Variants in AGAP1 observed in about 807,000 individuals in gnomAD.
AGAP1 encodes arf-GAP with GTPase, ANK repeat and PH domain-containing protein 1.
In AGAP1, 29 loss-of-function variants were observed where a neutral mutation model predicts 105.3. The observed-to-expected ratio is 0.28, with a 90% CI of 0.21 to 0.38. The LOEUF is 0.38. Ranked by LOEUF, AGAP1 falls within the 10% of genes least tolerant of loss-of-function variation. The pLI is 1.00. For missense variants in AGAP1, 998 were observed against 1,165.1 expected (o/e 0.86, Z 2.09); for synonymous variants, 509 against 485.9 (o/e 1.05, Z -0.63).
chr2:235,974,093 A>G (rs1431129955), intron 13 of AGAP1, among the ~76,000 whole-genome samples: 1 of 152,200 alleles, frequency 6.6e-6, no homozygotes, highest in African/African-American at 2.4e-5. Flanking sequence ...TATAACATTC[A>G]TGCAAGTTTG....
intron 1 of AGAP1, among the ~76,000 whole-genome samples, chr2:235,496,806 A>C (rs888619948): frequency 6.6e-6 from 1 of 151,318 alleles, no homozygotes; most frequent in South Asian, 2.1e-4. Flanking sequence ...TTTTTTTGAC[A>C]GCACGATGCC....
At chr2:235,519,085 A>G (rs375023219) in intron 1 of AGAP1, among the ~76,000 whole-genome samples, 2 of 152,270 alleles carry the variant, frequency 1.3e-5, no homozygotes, top group East Asian at 3.9e-4. Flanking sequence ...GTATGTGTTT[A>G]TTTATGAGAC....
rs59126473 is a variant in AGAP1 at position 236,094,923 on chromosome 2, C to CAAAAA, written c.2115-25247_2115-25243dup. 7.2e-3 allele frequency among the ~76,000 whole-genome samples: 272 copies of CAAAAA among 37,776 alleles called. 6 individuals are homozygous for CAAAAA. The highest frequency in any genetic ancestry group is 0.026 in the Middle Eastern group (1 of 38). The allele number at this position is 37,776 out of a possible 152,430, so 24.8% of individuals were successfully genotyped here. ...ATCACAGCAAGAGACCCCATCTCTA[C>CAAAAA]AAAAAAAAAAAAAAAAAAAAAAAAA... On this transcript the variant is annotated intron_variant, in intron 16 of 17. Coordinates refer to ENST00000304032, the MANE Select transcript of AGAP1 (RefSeq NM_001037131.3).
rs543848881 is a variant in AGAP1, at chr2:235,733,574, G to C, written c.311-7389G>C. ...AAGGAGGAAAGGAAATTCAGTTATA[G>C]TGAAGTTCTAATCTGCCATCTTAAC... On this transcript the variant is annotated intron_variant, in intron 3 of 17. Transcript: ENST00000304032. This position sits in a 1 kb window ranked among gnomAD's most constrained non-coding sequence, Gnocchi z 5.0. Among the ~76,000 whole-genome samples the C allele has an allele frequency of 2.0e-5, 3 of 152,310 alleles. No individual in the cohort carries two copies. The highest frequency in any genetic ancestry group is 7.2e-5 in the African/African-American group (3 of 41,576).
At chr2:235,510,756 C>T (rs1194276492) in intron 1 of AGAP1, among the ~76,000 whole-genome samples, 4 of 152,036 alleles carry the variant, frequency 2.6e-5, no homozygotes. Flanking sequence ...CCCTCTGTGT[C>T]TCTTGGGCTG....
At chr2:235,668,409 A>G (rs1205566286) in intron 1 of AGAP1, among the ~76,000 whole-genome samples, 2 of 152,110 alleles carry the variant, frequency 1.3e-5, no homozygotes, top group African/African-American at 2.4e-5. Context: ...GCACCTGACA[A>G]TCCCTGCCTG....
chr2:236,021,920 G>T (rs1243167140), intron 13 of AGAP1, among the ~76,000 whole-genome samples: 2 of 151,864 alleles, frequency 1.3e-5, no homozygotes, highest in Admixed American at 1.3e-4. Context: ...TTAGCCAGGT[G>T]TGGTGGCGCA....
chr2:235,744,714 A>G lies in AGAP1; in HGVS notation c.413A>G (p.Asp138Gly), dbSNP rs1952796645. Reference sequence around the variant, plus strand: ...TCTCCCTAGTTTGCCATGTGGGTGGACGCTGTTATATTTGTCTTCAGCTTG... The same window carrying G: ...TCTCCCTAGTTTGCCATGTGGGTGGGCGCTGTTATATTTGTCTTCAGCTTG... ...PPEAQFAMWVDAVIFVFSLED... is the reference protein window; with the variant it reads ...PPEAQFAMWVGAVIFVFSLED... Residue 138 changes from aspartate to glycine, a missense_variant, in exon 5 of 18, where the codon GAC becomes GGC. This residue lies in a region of AGAP1 where 735 missense variants were observed against 833.4 expected (regional missense o/e 0.88). Transcript: ENST00000304032. This position sits in a 1 kb window ranked among gnomAD's most constrained non-coding sequence, Gnocchi z 5.2. 6.2e-7 allele frequency: 1 copy of G among 1,613,736 alleles called. No homozygotes were observed. The highest frequency in any genetic ancestry group is 1.3e-5 in the African/African-American group (1 of 74,802).
intron 1 of AGAP1, among the ~76,000 whole-genome samples, chr2:235,563,851 G>T (rs1323027637): frequency 2.0e-5 from 3 of 152,160 alleles, no homozygotes; most frequent in Non-Finnish European, 4.4e-5. Flanking sequence ...CTTTGAAGTG[G>T]TCTTGTTACC....
intron 10 of AGAP1, among the ~76,000 whole-genome samples, chr2:235,896,464 A>G (rs75337133): frequency 0.018 from 2,756 of 152,332 alleles, 93 homozygotes; most frequent in African/African-American, 0.063. Context: ...GGAAAGCTAC[A>G]GAGTATGGCT....
chr2:235,879,184 C>A lies in AGAP1; in HGVS notation c.1051-4161C>A, dbSNP rs1193389629. 6.6e-6 allele frequency among the ~76,000 whole-genome samples: 1 copy of A among 152,226 alleles called. No homozygotes were observed. The highest frequency in any genetic ancestry group is 2.4e-5 in the African/African-American group (1 of 41,456). ...TTTCAGGGAGCCATGGCTTCCATAA[C>A]TTCGCTGCCCCTGACTTGTTCCTTT... On this transcript the variant is annotated intron_variant, in intron 9 of 17. Coordinates refer to ENST00000304032, the MANE Select transcript of AGAP1 (RefSeq NM_001037131.3). The surrounding 1 kb of genome is among the most constrained non-coding windows in gnomAD (Gnocchi z 5.0).
intron 6 of AGAP1, among the ~76,000 whole-genome samples, chr2:235,772,338 A>G (rs1955526296): frequency 6.6e-6 from 1 of 152,166 alleles, no homozygotes; most frequent in Non-Finnish European, 1.5e-5. Context: ...AGCAGAGCTG[A>G]TGCTTTATGA....
intron 9 of AGAP1, among the ~76,000 whole-genome samples, chr2:235,821,354 A>AC (rs973145416): frequency 2.0e-4 from 31 of 151,662 alleles, no homozygotes; most frequent in Non-Finnish European, 2.9e-4. Flanking sequence ...TAACAAGTGA[A>AC]CTGGGGTAGG....
At chr2:235,745,651 A>G (rs1467382660) in intron 5 of AGAP1, among the ~76,000 whole-genome samples, 2 of 152,220 alleles carry the variant, frequency 1.3e-5, no homozygotes, top group African/African-American at 4.8e-5. Flanking sequence ...CTGTTTTGCG[A>G]ATTCTTTTAG....
intron 13 of AGAP1, among the ~76,000 whole-genome samples, chr2:236,013,831 G>A (rs1333540180): frequency 6.6e-6 from 1 of 152,198 alleles, no homozygotes; most frequent in Non-Finnish European, 1.5e-5. Context: ...GCATTTGCCT[G>A]AAGAGTTGAG....
At position 236,123,677 on chromosome 2, in the gene AGAP1, T is replaced by C. The variant is rs1452132057; in HGVS notation, c.2371-242T>C. 6.6e-6 allele frequency among the ~76,000 whole-genome samples: 1 copy of C among 152,104 alleles called. No homozygotes were observed. The highest frequency in any genetic ancestry group is 1.5e-5 in the Non-Finnish European group (1 of 68,012). Reference sequence around the variant, plus strand: ...ACTAAAGTTATCTTTGATTCCTTAATGTTGCACAAAGGAGGGGCTTTCAGT... The same window carrying C: ...ACTAAAGTTATCTTTGATTCCTTAACGTTGCACAAAGGAGGGGCTTTCAGT... On this transcript the variant is annotated intron_variant, in intron 17 of 17. Coordinates refer to ENST00000304032, the MANE Select transcript of AGAP1 (RefSeq NM_001037131.3). This position sits in a 1 kb window ranked among gnomAD's most constrained non-coding sequence, Gnocchi z 4.6.
At chr2:235,708,843 A>G (rs111557963) in intron 1 of AGAP1, among the ~76,000 whole-genome samples, 1 of 152,364 alleles carries the variant, frequency 6.6e-6, no homozygotes, top group Admixed American at 6.5e-5. Flanking sequence ...ACACTTGCCA[A>G]CAGGCACAGT....
At chr2:236,122,787 A>G (rs980923835) in intron 17 of AGAP1, among the ~76,000 whole-genome samples, 2 of 150,152 alleles carry the variant, frequency 1.3e-5, no homozygotes, top group Non-Finnish European at 3.0e-5. Context: ...GGTTCAAGCA[A>G]TTCTCCTGCC....
intron 3 of AGAP1, among the ~76,000 whole-genome samples, chr2:235,727,686 T>C (rs984533128): frequency 2.0e-5 from 3 of 152,148 alleles, no homozygotes; most frequent in Non-Finnish European, 4.4e-5. Flanking sequence ...TCACCACCAC[T>C]CCTCCTCTCC....
Sources: allele counts gnomAD v4.1 joint callset (sites outside exome capture counted in the v4.1 genomes callset), GRCh38; gene constraint gnomAD v4.1.1; regional missense constraint gnomAD v4.1.1; non-coding constraint Gnocchi (gnomAD v3.1); transcripts MANE v1.5; gene names NCBI Gene and HGNC (gene_info 2026-07-23, HGNC 2026-07-21).